Variants in CTNNBL1 observed in about 807,000 individuals in gnomAD.
The protein encoded by CTNNBL1 is beta-catenin-like protein 1.
CTNNBL1 carries 31 observed loss-of-function variants against 72.7 expected under a neutral mutation model. The ratio of observed to expected loss-of-function variants is 0.43; its 90% confidence interval spans 0.32 to 0.58. The LOEUF is 0.58. Among genes scored for constraint, CTNNBL1 ranks in the 20% least tolerant of loss-of-function variants. The probability of loss-of-function intolerance (pLI) is 0.08; values close to 1 mark genes in which losing one functional copy is unlikely to be tolerated. For missense variants in CTNNBL1, 534 were observed against 725.1 expected (o/e 0.74, Z 3.03); for synonymous variants, 240 against 267.3 (o/e 0.90, Z 1.00).
At chr20:37,792,390 C>T (rs1017029125) in intron 10 of CTNNBL1, among the ~76,000 whole-genome samples, 2 of 152,042 alleles carry the variant, frequency 1.3e-5, no homozygotes, top group Non-Finnish European at 1.5e-5. Flanking sequence ...CCCAGGCTGA[C>T]CTCTAACTCC....
chr20:37,795,091 C>G (rs565014599), intron 10 of CTNNBL1, among the ~76,000 whole-genome samples: 8 of 147,356 alleles, frequency 5.4e-5, no homozygotes, highest in Non-Finnish European at 1.0e-4. Context: ...ACTTGGGTCT[C>G]TGGGTTTATA....
intron 11 of CTNNBL1, among the ~76,000 whole-genome samples, chr20:37,813,354 T>C (rs1403563591): frequency 1.3e-5 from 2 of 152,196 alleles, no homozygotes; most frequent in Non-Finnish European, 2.9e-5. Context: ...CTAGTAAGTA[T>C]TCATTAGGTG....
intron 1 of CTNNBL1, among the ~76,000 whole-genome samples, chr20:37,721,424 AC>A (rs1381501059): frequency 1.3e-5 from 2 of 152,132 alleles, no homozygotes; most frequent in Non-Finnish European, 2.9e-5. Context: ...AGTGTTATAA[AC>A]CCTTAATCAA....
intron 11 of CTNNBL1, among the ~76,000 whole-genome samples, chr20:37,837,109 T>C (rs2235472): frequency 0.82 from 124,425 of 152,098 alleles, 50,940 homozygotes; most frequent in Middle Eastern, 0.89. Context: ...CCTCATTCTT[T>C]CTGCCCCTAA....
rs6021096 is a variant in CTNNBL1 at position 37,814,947 on chromosome 20, C to T, written c.1213+11899C>T. 3.0e-3 allele frequency among the ~76,000 whole-genome samples: 462 copies of T among 152,138 alleles called. 5 individuals are homozygous for T. Among genetic ancestry groups the T allele is most frequent in the African/African-American group, 1.0e-2 (413 of 41,492 alleles). On this transcript the variant is annotated intron_variant, in intron 11 of 15. Coordinates refer to ENST00000361383, the MANE Select transcript of CTNNBL1 (RefSeq NM_030877.5). The stretch of plus-strand genomic sequence containing the variant: ...TGAGTATGAATAAAATAAACTCATG[C>T]AGAAAATTTTTAAATTGTGAAAAAA...
At position 37,777,491 on chromosome 20, in the gene CTNNBL1, C is replaced by T. The variant is rs964533541; in HGVS notation, c.823+74C>T. On this transcript the variant is annotated intron_variant, in intron 8 of 15. Coordinates refer to ENST00000361383, the MANE Select transcript of CTNNBL1 (RefSeq NM_030877.5). ...TTGTTTCAGATCATGACAGCAAGCT[C>T]TCTTGCCTTTGGCATCCCCTTGCTC... is the stretch of plus-strand genomic sequence containing the variant. 26 of 1,502,336 alleles carry T rather than the reference C, an allele frequency of 1.7e-5. No homozygotes were observed. In the East Asian group the frequency reaches 5.2e-4, roughly 30 times the overall value. 93.1% of individuals were successfully genotyped at this position (1,502,336 alleles called of 1,614,324 possible).
intron 10 of CTNNBL1, among the ~76,000 whole-genome samples, chr20:37,792,491 A>G (rs57807892): frequency 0.011 from 1,672 of 151,898 alleles, 32 homozygotes; most frequent in African/African-American, 0.037. Context: ...TTCATTATTT[A>G]TTTTCTTTAC....
chr20:37,781,302 T>C (rs919051536), intron 10 of CTNNBL1, among the ~76,000 whole-genome samples: 1 of 152,172 alleles, frequency 6.6e-6, no homozygotes, highest in African/African-American at 2.4e-5. Context: ...TTAAGCTTCT[T>C]AAAGGTCTGA....
At position 37,872,094 on chromosome 20, in the gene CTNNBL1, G is replaced by C; in HGVS notation, c.*81G>C. 2.3e-6 allele frequency: 3 copies of C among 1,307,194 alleles called. No homozygotes were observed. The South Asian group carries it at 3.6e-5, about 16-fold the overall frequency. The allele number at this position is 1,307,194 out of a possible 1,614,324, so 81.0% of individuals were successfully genotyped here. A position where few individuals can be genotyped will look rare whatever the true frequency, so the allele number is the denominator to read the frequency against. ...TTCTACACAACTCTGTGTGGCTTTT[G>C]GACAAATTAAAGCTAGTTTTGGTAT... On this transcript the variant is annotated 3_prime_UTR_variant, in exon 16 of 16. Coordinates refer to ENST00000361383, the MANE Select transcript of CTNNBL1 (RefSeq NM_030877.5).
chr20:37,803,174 A>G lies in CTNNBL1; in HGVS notation c.1213+126A>G, dbSNP rs2122736588. 4 of 794,706 alleles carry G rather than the reference A, an allele frequency of 5.0e-6. No individual in the cohort carries two copies. In the East Asian group the frequency reaches 8.1e-5, roughly 16 times the overall value. 49.2% of individuals were successfully genotyped at this position (794,706 alleles called of 1,614,324 possible). A position where few individuals can be genotyped will look rare whatever the true frequency, so the allele number is the denominator to read the frequency against. On this transcript the variant is annotated intron_variant, in intron 11 of 15. Coordinates refer to ENST00000361383, the MANE Select transcript of CTNNBL1 (RefSeq NM_030877.5). The stretch of plus-strand genomic sequence containing the variant: ...GGAAGAGTGCTACCTTTTTCTTACT[A>G]TTTTCTTATTTTTCATGAATGAAAA...
chr20:37,725,755 A>C (rs894602948), intron 1 of CTNNBL1, among the ~76,000 whole-genome samples: 1 of 151,762 alleles, frequency 6.6e-6, no homozygotes, highest in African/African-American at 2.4e-5. Context: ...AGACCGAGGC[A>C]GGCTGATCAT....
rs565225900 is a variant in CTNNBL1, at chr20:37,787,941, C to T, written c.1031+8606C>T. Among the ~76,000 whole-genome samples, 26 of 152,260 alleles carry T rather than the reference C, an allele frequency of 1.7e-4. No homozygotes were observed. In the South Asian group the frequency reaches 4.4e-3, roughly 26 times the overall value. The stretch of plus-strand genomic sequence containing the variant: ...AGTCCCCTCAAGATCTGGCCTCTGC[C>T]TCATCCTCCTACTGCCATCTCTTTC... On this transcript the variant is annotated intron_variant, in intron 10 of 15. Transcript: ENST00000361383.
At chr20:37,776,672 G>A (rs555063952) in intron 7 of CTNNBL1, among the ~76,000 whole-genome samples, 1 of 152,168 alleles carries the variant, frequency 6.6e-6, no homozygotes, top group Non-Finnish European at 1.5e-5. Context: ...GATAGTCTGT[G>A]CAGTAGATGT....
intron 1 of CTNNBL1, among the ~76,000 whole-genome samples, chr20:37,705,880 A>G (rs1202720751): frequency 6.6e-6 from 1 of 152,202 alleles, no homozygotes; most frequent in East Asian, 1.9e-4. Context: ...ACCTTCTCCA[A>G]GGTCAGCCAT....
intron 4 of CTNNBL1, among the ~76,000 whole-genome samples, 156 bp from the exon 5 acceptor site, chr20:37,757,403 G>A (rs369576561): frequency 3.3e-5 from 5 of 152,216 alleles, no homozygotes; most frequent in East Asian, 3.9e-4. Flanking sequence ...AACACCTGCT[G>A]TGGGTAGAAC....
At chr20:37,759,764 A>G (rs1429966900) in intron 5 of CTNNBL1, among the ~76,000 whole-genome samples, 1 of 152,214 alleles carries the variant, frequency 6.6e-6, no homozygotes, top group African/African-American at 2.4e-5. Context: ...GGAAGTCATC[A>G]GTAAATATCA....
intron 9 of CTNNBL1, 109 bp downstream of exon 9, chr20:37,777,821 T>C: frequency 9.1e-7 from 1 of 1,100,326 alleles, no homozygotes. Flanking sequence ...GCAAGCCATA[T>C]GGAGCATGTT....
intron 11 of CTNNBL1, among the ~76,000 whole-genome samples, chr20:37,820,967 A>G (rs188037544): frequency 6.6e-6 from 1 of 152,280 alleles, no homozygotes; most frequent in East Asian, 1.9e-4. Flanking sequence ...CTTTTGCATG[A>G]CAGAAGACCT....
At chr20:37,830,620 G>A (rs6021213) in intron 11 of CTNNBL1, among the ~76,000 whole-genome samples, 6 of 152,040 alleles carry the variant, frequency 3.9e-5, no homozygotes, top group South Asian at 2.1e-4. Context: ...AATATACATA[G>A]GACTCATGCT....
Sources: allele counts gnomAD v4.1 joint callset (sites outside exome capture counted in the v4.1 genomes callset), GRCh38; gene constraint gnomAD v4.1.1; transcripts MANE v1.5; gene names NCBI Gene and HGNC (gene_info 2026-07-23, HGNC 2026-07-21).